Variants in ZZZ3 observed in about 807,000 individuals in gnomAD.
The protein encoded by ZZZ3 is ZZ-type zinc finger-containing protein 3.
In ZZZ3, 22 loss-of-function variants were observed where a neutral mutation model predicts 95.2. That is an observed-to-expected ratio of 0.23 (90% CI 0.17 to 0.33). The LOEUF is 0.33. ZZZ3 is among the 10% of genes least tolerant of loss of function. ZZZ3 has a pLI of 1.00. For synonymous variants in ZZZ3, 335 were observed against 358.9 expected, an observed-to-expected ratio of 0.93 and a Z score of 0.75; for missense variants, 885 against 1,066.5, an observed-to-expected ratio of 0.83 and a Z score of 2.37.
At chr1:77,654,860 G>C (rs1670129568) in intron 1 of ZZZ3, among the ~76,000 whole-genome samples, 1 of 152,070 alleles carries the variant, frequency 6.6e-6, no homozygotes, top group Non-Finnish European at 1.5e-5. Context: ...TGTTGCCCAA[G>C]CTGGTCTCGA....
At position 77,636,000 on chromosome 1, in the gene ZZZ3, ATTAC is replaced by A. The variant is rs201572753; in HGVS notation, c.-51-2599_-51-2596del. ...AAATCTGGCACTCTAAAGGGTTAAG[ATTAC>A]TTATTTTTAAATATTAAATATGTAT... On this transcript the variant is annotated intron_variant, in intron 4 of 14. Transcript: ENST00000370801. Among the ~76,000 whole-genome samples the A allele has an allele frequency of 3.3e-3, 505 of 152,326 alleles. 4 individuals carry two copies. Among genetic ancestry groups the A allele is most frequent in the East Asian group, 0.024 (126 of 5,192 alleles).
At chr1:77,648,657 A>G (rs532633997) in intron 1 of ZZZ3, among the ~76,000 whole-genome samples, 19 of 152,314 alleles carry the variant, frequency 1.2e-4, no homozygotes, top group Non-Finnish European at 2.6e-4. Flanking sequence ...AGCAATAGAA[A>G]CCTAACAGAG....
At chr1:77,645,104 G>A (rs1669137779) in intron 1 of ZZZ3, among the ~76,000 whole-genome samples, 1 of 151,938 alleles carries the variant, frequency 6.6e-6, no homozygotes, top group African/African-American at 2.4e-5. Context: ...GCATGGTGGT[G>A]TGCACCTGTT....
At chr1:77,642,277 C>A (rs1415808767) in intron 1 of ZZZ3, among the ~76,000 whole-genome samples, 2 of 152,130 alleles carry the variant, frequency 1.3e-5, no homozygotes, top group African/African-American at 4.8e-5. Context: ...ACCAAAAGCA[C>A]CGTACAGAAT....
intron 12 of ZZZ3, among the ~76,000 whole-genome samples, chr1:77,568,911 C>A (rs1661097643): frequency 6.6e-6 from 1 of 152,186 alleles, no homozygotes; most frequent in African/African-American, 2.4e-5. Context: ...CCAACCTCTG[C>A]TCTTGTTTTT....
At chr1:77,568,918 T>C (rs1450230565) in intron 12 of ZZZ3, among the ~76,000 whole-genome samples, 1 of 152,198 alleles carries the variant, frequency 6.6e-6, no homozygotes, top group Non-Finnish European at 1.5e-5. Flanking sequence ...CTGCTCTTGT[T>C]TTTTGCTCTG....
chr1:77,568,300 TG>T, intron 13 of ZZZ3, 31 bp downstream of exon 13: 1 of 155,964 alleles, frequency 6.4e-6, no homozygotes. Context: ...ATAAATAAAA[TG>T]AAATGAATCC....
At position 77,563,925 on chromosome 1, in the gene ZZZ3, C is replaced by G. The variant is rs1284978608; in HGVS notation, c.*1715G>C. 1 of 151,752 alleles carries G rather than the reference C, an allele frequency of 6.6e-6. No homozygotes were observed. The highest frequency in any genetic ancestry group is 2.4e-5 in the African/African-American group (1 of 41,334). The allele number at this position is 151,752 out of a possible 1,614,324, so 9.4% of individuals were successfully genotyped here. ...TATTTCTATATTTAAAATTCTATTA[C>G]TTTTCTCAATTAAAAAAAATTCAGG... On this transcript the variant is annotated 3_prime_UTR_variant, in exon 15 of 15. Transcript: ENST00000370801.
intron 4 of ZZZ3, among the ~76,000 whole-genome samples, chr1:77,635,698 G>A (rs1183143049): frequency 1.3e-5 from 2 of 152,194 alleles, no homozygotes; most frequent in East Asian, 3.8e-4. Context: ...TTGAGGTCAG[G>A]AGTTCGTGAC....
At chr1:77,620,739 C>T (rs1361203139) in intron 5 of ZZZ3, among the ~76,000 whole-genome samples, 1 of 152,152 alleles carries the variant, frequency 6.6e-6, no homozygotes, top group Non-Finnish European at 1.5e-5. Context: ...CATGGAAATG[C>T]AGCTATCCAC....
In ZZZ3 at chr1:77,564,752, A is replaced by G. The variant is rs764047221; in HGVS notation, c.*888T>C. 1.3e-5 allele frequency: 2 copies of G among 152,636 alleles called. No individual in the cohort carries two copies. The highest frequency in any genetic ancestry group is 2.9e-5 in the Non-Finnish European group (2 of 68,024). 9.5% of individuals were successfully genotyped at this position (152,636 alleles called of 1,614,324 possible). On this transcript the variant is annotated 3_prime_UTR_variant, in exon 15 of 15. Coordinates refer to ENST00000370801, the MANE Select transcript of ZZZ3 (RefSeq NM_015534.6). The stretch of plus-strand genomic sequence containing the variant: ...TTATGGATCTTGTGCAGACTACAAA[A>G]GAGGGAAATTATTACCATATATATG...
chr1:77,583,316 A>T (rs987145170), intron 6 of ZZZ3, among the ~76,000 whole-genome samples: 1 of 152,168 alleles, frequency 6.6e-6, no homozygotes, highest in Non-Finnish European at 1.5e-5. Flanking sequence ...TACTTTACTA[A>T]CACCATCTGT....
chr1:77,609,302 T>C (rs904492260), intron 5 of ZZZ3, among the ~76,000 whole-genome samples: 2 of 152,182 alleles, frequency 1.3e-5, no homozygotes, highest in African/African-American at 2.4e-5. Flanking sequence ...AAGGTCACTA[T>C]GTAATGATGA....
At position 77,633,006 on chromosome 1, in the gene ZZZ3, T is replaced by C; in HGVS notation, c.349A>G (p.Lys117Glu). 6.2e-7 allele frequency: 1 copy of C among 1,614,058 alleles called. No individual in the cohort carries two copies. The highest frequency in any genetic ancestry group is 8.5e-7 in the Non-Finnish European group (1 of 1,180,016). ...GATCTAAGACAACGCTTAATTCTTTTTAAAACTGGTGAAACAGGTTCTGTT... is the reference window on the plus strand; with the variant it reads ...GATCTAAGACAACGCTTAATTCTTTCTAAAACTGGTGAAACAGGTTCTGTT... ...RQTEPVSPVL[K>E]RIKRCLRSEA... The change falls in exon 5 of 15, where the codon AAA (lysine) becomes GAA (glutamate). Residue 117 changes from lysine (K) to glutamate (E), a missense_variant. This residue lies in a region of ZZZ3 where 556 missense variants were observed against 652.9 expected (regional missense o/e 0.85). Coordinates refer to ENST00000370801, the MANE Select transcript of ZZZ3 (RefSeq NM_015534.6).
chr1:77,666,605 G>A (rs909438241), intron 1 of ZZZ3, among the ~76,000 whole-genome samples: 2 of 151,930 alleles, frequency 1.3e-5, no homozygotes, highest in Non-Finnish European at 2.9e-5. Context: ...TTGAAATCTC[G>A]CTCAATAAAT....
At chr1:77,651,737 G>T (rs909736885) in intron 1 of ZZZ3, among the ~76,000 whole-genome samples, 10 of 152,164 alleles carry the variant, frequency 6.6e-5, no homozygotes, top group Non-Finnish European at 1.5e-4. Flanking sequence ...TTAAAATGGG[G>T]CTGGGCACGG....
At chr1:77,625,602 A>G (rs1400018573) in intron 5 of ZZZ3, among the ~76,000 whole-genome samples, 2 of 152,174 alleles carry the variant, frequency 1.3e-5, no homozygotes, top group African/African-American at 4.8e-5. Flanking sequence ...AGCCCAAAAT[A>G]ATTTATCACA....
chr1:77,616,096 C>G (rs933917653), intron 5 of ZZZ3, among the ~76,000 whole-genome samples: 6 of 152,124 alleles, frequency 3.9e-5, no homozygotes, highest in Non-Finnish European at 7.4e-5. Context: ...ATTAATTAGT[C>G]AGACACGCTT....
intron 5 of ZZZ3, among the ~76,000 whole-genome samples, chr1:77,599,286 A>T (rs1194210547): frequency 2.0e-5 from 3 of 152,004 alleles, no homozygotes; most frequent in Admixed American, 1.3e-4. Flanking sequence ...TACTTTTACA[A>T]TTCTATTAAT....
Sources: allele counts gnomAD v4.1 joint callset (sites outside exome capture counted in the v4.1 genomes callset), GRCh38; gene constraint gnomAD v4.1.1; regional missense constraint gnomAD v4.1.1; transcripts MANE v1.5; gene names NCBI Gene and HGNC (gene_info 2026-07-23, HGNC 2026-07-21).